The following TRAK1 variants were observed in gnomAD, a reference collection of about 807,000 sequenced individuals.
TRAK1 encodes the protein trafficking kinesin-binding protein 1.
A neutral mutation model predicts 92.1 loss-of-function variants in TRAK1; 33 were observed. That is an observed-to-expected ratio of 0.36 (90% CI 0.27 to 0.48). The LOEUF (loss-of-function observed/expected upper bound fraction) is 0.48. Ranked by LOEUF, TRAK1 falls within the 20% of genes least tolerant of loss-of-function variation. TRAK1 has a pLI of 0.99. For missense variants in TRAK1, 1,123 were observed against 1,257.9 expected (o/e 0.89, Z 1.62); for synonymous variants, 521 against 517.3 (o/e 1.01, Z -0.10).
At chr3:42,035,370 A>G (rs1280901748) in intron 1 of TRAK1, among the ~76,000 whole-genome samples, 1 of 152,124 alleles carries the variant, frequency 6.6e-6, no homozygotes, top group Non-Finnish European at 1.5e-5. Context: ...ATCTTGGTTC[A>G]GACCTGTCTC....
intron 1 of TRAK1, among the ~76,000 whole-genome samples, chr3:42,022,755 A>G (rs1701767567): frequency 6.6e-6 from 1 of 150,878 alleles, no homozygotes; most frequent in South Asian, 2.1e-4. Context: ...AAACTTTTGT[A>G]CAAGAGGAAT....
intron 1 of TRAK1, among the ~76,000 whole-genome samples, chr3:42,091,763 C>A (rs902430632): frequency 6.6e-6 from 1 of 152,014 alleles, no homozygotes; most frequent in African/African-American, 2.4e-5. Flanking sequence ...CCTCACCACC[C>A]CCCCATCTCC....
At chr3:42,169,834 G>A (rs1309367314) in intron 2 of TRAK1, among the ~76,000 whole-genome samples, 2 of 152,130 alleles carry the variant, frequency 1.3e-5, no homozygotes, top group Non-Finnish European at 2.9e-5. Context: ...TAGGTGTCTG[G>A]GCAGACTGTA....
chr3:42,161,596 G>C (rs1014502006), intron 2 of TRAK1, among the ~76,000 whole-genome samples: 1 of 152,128 alleles, frequency 6.6e-6, no homozygotes, highest in African/African-American at 2.4e-5. Flanking sequence ...AAGTTGCCCA[G>C]GCTGGAACTT....
intron 1 of TRAK1, among the ~76,000 whole-genome samples, chr3:42,020,304 T>C (rs571513224): frequency 1.8e-4 from 28 of 152,334 alleles, no homozygotes; most frequent in Non-Finnish European, 3.1e-4. Context: ...CATATACCAC[T>C]TGTACTGCCA....
At chr3:42,063,319 G>T (rs1703530187) in intron 1 of TRAK1, among the ~76,000 whole-genome samples, 1 of 152,242 alleles carries the variant, frequency 6.6e-6, no homozygotes, top group African/African-American at 2.4e-5. Context: ...GAGCATCCGG[G>T]TTTTGTCTGT....
At chr3:42,088,777 T>C (rs1480440313), upstream of TRAK1, among the ~76,000 whole-genome samples, 1 of 152,192 alleles carries the variant, frequency 6.6e-6, no homozygotes, top group African/African-American at 2.4e-5. Flanking sequence ...TTACTTGGCT[T>C]CTGGGTCCCC....
intron 1 of TRAK1, among the ~76,000 whole-genome samples, chr3:42,104,056 G>A (rs759125213): frequency 4.6e-5 from 7 of 152,176 alleles, no homozygotes; most frequent in Non-Finnish European, 1.0e-4. Context: ...CACGCCCACG[G>A]AACCTCACTC....
At chr3:42,057,840 G>A (rs184301440) in intron 1 of TRAK1, among the ~76,000 whole-genome samples, 2 of 152,282 alleles carry the variant, frequency 1.3e-5, no homozygotes, top group Admixed American at 6.5e-5. Context: ...CACCTGACAC[G>A]TGGCCCACAC....
At chr3:42,149,648 C>T in intron 2 of TRAK1, 2 of 1,535,424 alleles carry the variant, frequency 1.3e-6, no homozygotes, top group African/African-American at 1.4e-5. Context: ...GGGGTATTGT[C>T]TCCTTCTGGG....
chr3:42,194,897 A>C lies in TRAK1; in HGVS notation c.1069A>C (p.Asn357His), dbSNP rs1173577035. The change falls in exon 10 of 16, where the codon AAT becomes CAT. Residue 357 changes from asparagine to histidine, a missense_variant. Coordinates refer to ENST00000327628, the MANE Select transcript of TRAK1 (RefSeq NM_001042646.3). The stretch of plus-strand genomic sequence containing the variant: ...GAACCTCCGGAACAAAACCATGCCC[A>C]ATACCACGTCTCGGCGCTACCACTC... ...LKNLRNKTMP[N>H]TTSRRYHSLG... is the part of the protein sequence containing the mutation. The C allele has an allele frequency of 6.2e-7, 1 of 1,613,866 alleles. No homozygotes were observed.
chr3:42,049,089 A>G (rs912236864), intron 1 of TRAK1, among the ~76,000 whole-genome samples: 1 of 152,104 alleles, frequency 6.6e-6, no homozygotes, highest in Non-Finnish European at 1.5e-5. Flanking sequence ...GAGTTTCACC[A>G]TGTTGCCCAG....
At position 42,189,117 on chromosome 3, in the gene TRAK1, G is replaced by A. The variant is rs897160124; in HGVS notation, c.683G>A (p.Arg228Gln). 6.8e-6 allele frequency: 11 copies of A among 1,612,020 alleles called. No individual in the cohort carries two copies. Among genetic ancestry groups the A allele is most frequent in the African/African-American group, 2.7e-5 (2 of 74,890 alleles). The change falls in exon 6 of 16, where the codon CGA (arginine) becomes CAA (glutamine). Residue 228 changes from arginine to glutamine, a missense_variant. By Grantham distance (43) the Arg-to-Gln change is conservative (BLOSUM62 1). This residue lies in a region of TRAK1 where 686 missense variants were observed against 747.6 expected (regional missense o/e 0.92). Coordinates refer to ENST00000327628, the MANE Select transcript of TRAK1 (RefSeq NM_001042646.3). Reference sequence around the variant, plus strand: ...CTTGAAGAGGAGAATGTTGTACTTCGATCCGAGGTGATGTGCCCTCCCTTC... The same window carrying A: ...CTTGAAGAGGAGAATGTTGTACTTCAATCCGAGGTGATGTGCCCTCCCTTC... ...KDLEEENVVLRSEASQLKTET... is the reference protein window; with the variant it reads ...KDLEEENVVLQSEASQLKTET...
intron 1 of TRAK1, among the ~76,000 whole-genome samples, chr3:42,047,617 A>G (rs1392948694): frequency 6.6e-6 from 1 of 152,188 alleles, no homozygotes; most frequent in Non-Finnish European, 1.5e-5. Flanking sequence ...AAGTCAGGAC[A>G]AAAGAAGGAA....
intron 1 of TRAK1, among the ~76,000 whole-genome samples, chr3:42,120,035 T>C (rs1332864786): frequency 6.6e-6 from 1 of 152,196 alleles, no homozygotes; most frequent in Admixed American, 6.5e-5. Context: ...ATTCCATCTC[T>C]ATTTAAAACA....
At chr3:42,043,169 C>T (rs1235414543) in intron 1 of TRAK1, among the ~76,000 whole-genome samples, 1 of 152,074 alleles carries the variant, frequency 6.6e-6, no homozygotes. Flanking sequence ...AGCAGCTTAG[C>T]AACCATTTCA....
intron 9 of TRAK1, 86 bp from the exon 10 acceptor site, chr3:42,194,718 G>A (rs905906852): frequency 5.6e-5 from 85 of 1,513,960 alleles, no homozygotes; most frequent in Non-Finnish European, 3.0e-5. Flanking sequence ...TTAGATTGCT[G>A]TGTCTTTCTG....
chr3:42,213,962 T>C (rs1175297350), intron 14 of TRAK1, among the ~76,000 whole-genome samples: 5 of 152,204 alleles, frequency 3.3e-5, no homozygotes, highest in Non-Finnish European at 7.3e-5. Context: ...CCCTGTGCTC[T>C]GCCGTCAGAA....
intron 1 of TRAK1, among the ~76,000 whole-genome samples, chr3:42,105,901 T>C (rs1241135110): frequency 6.6e-6 from 1 of 152,176 alleles, no homozygotes; most frequent in East Asian, 1.9e-4. Flanking sequence ...AACCCAGAAT[T>C]TCATATCCAG....
Sources: allele counts gnomAD v4.1 joint callset (sites outside exome capture counted in the v4.1 genomes callset), GRCh38; gene constraint gnomAD v4.1.1; regional missense constraint gnomAD v4.1.1; transcripts MANE v1.5; gene names NCBI Gene and HGNC (gene_info 2026-07-23, HGNC 2026-07-21).